PTPRG: variants seen among roughly 807,000 people sequenced by gnomAD.
The protein encoded by PTPRG is protein tyrosine phosphatase receptor type G, also known as receptor-type tyrosine-protein phosphatase gamma.
Under a neutral mutation model 165.3 loss-of-function variants are expected in PTPRG, and 102 were observed. The ratio of observed to expected loss-of-function variants is 0.62; its 90% CI spans 0.53 to 0.73. PTPRG has a LOEUF of 0.73. Ranked by LOEUF, PTPRG falls within the 30% of genes least tolerant of loss-of-function variation. PTPRG has a pLI of 0.00. For synonymous variants in PTPRG, 675 were observed against 669.5 expected (o/e 1.01, Z -0.13); for missense variants, 1,866 against 1,861.4 (o/e 1.00, Z -0.05).
chr3:61,956,500 G>A (rs1431563361), intron 2 of PTPRG, among the ~76,000 whole-genome samples: 2 of 152,060 alleles, frequency 1.3e-5, no homozygotes, highest in African/African-American at 2.4e-5. Context: ...TTCCAGTTTG[G>A]TTAGTTTAAA....
chr3:62,287,066 C>A (rs930488199), intron 28 of PTPRG, among the ~76,000 whole-genome samples: 1 of 152,044 alleles, frequency 6.6e-6, no homozygotes. Context: ...GAAAGGCAAC[C>A]CATGGAAAGG....
chr3:62,259,276 G>GC (rs1701624868), intron 16 of PTPRG, among the ~76,000 whole-genome samples: 1 of 152,222 alleles, frequency 6.6e-6, no homozygotes, highest in South Asian at 2.1e-4. Flanking sequence ...ACTGCTGCCT[G>GC]CAAGAGGGCA....
rs1576237058 is a variant in PTPRG at position 62,293,195 on chromosome 3, G to C, written c.4226G>C (p.Ser1409Thr). 1 of 1,606,476 alleles carries C rather than the reference G, an allele frequency of 6.2e-7. No individual in the cohort carries two copies. Among genetic ancestry groups the C allele is most frequent in the Non-Finnish European group, 8.5e-7 (1 of 1,177,566 alleles). The change falls in exon 30 of 30, where the codon AGC becomes ACC. Residue 1409 changes from serine (S) to threonine (T), a missense_variant. By Grantham distance (58) the Ser-to-Thr change is moderately conservative. Around this residue, in one of 3 missense-constraint regions of PTPRG, gnomAD observed 1,452 missense variants for 1,463.0 expected, o/e 0.99. Coordinates refer to ENST00000474889, the MANE Select transcript of PTPRG (RefSeq NM_002841.4). ...CAGTTCATCTATAAAGCAATGCTTAGCTTGGTCAGCACTAAAGAAAATGGA... is the reference window on the plus strand; with the variant it reads ...CAGTTCATCTATAAAGCAATGCTTACCTTGGTCAGCACTAAAGAAAATGGA... ...QYQFIYKAML[S>T]LVSTKENGNG...
At chr3:61,677,738 G>T (rs1273173393) in intron 1 of PTPRG, among the ~76,000 whole-genome samples, 3 of 152,164 alleles carry the variant, frequency 2.0e-5, no homozygotes, top group Non-Finnish European at 2.9e-5. Flanking sequence ...CAGGGTCCCA[G>T]AGTGGTAGAG....
At chr3:62,072,941 CA>C in intron 4 of PTPRG, among the ~76,000 whole-genome samples, 1 of 151,978 alleles carries the variant, frequency 6.6e-6, no homozygotes, top group African/African-American at 2.4e-5. Flanking sequence ...AGGATGAGCC[CA>C]AAACATCTGT....
At chr3:61,990,468 T>C (rs2040857765) in intron 3 of PTPRG, among the ~76,000 whole-genome samples, 2 of 152,252 alleles carry the variant, frequency 1.3e-5, no homozygotes, top group South Asian at 4.1e-4. Context: ...GATTTGTGAA[T>C]ATGCAGCATC....
At chr3:61,821,145 T>C (rs953070691) in intron 2 of PTPRG, among the ~76,000 whole-genome samples, 2 of 152,048 alleles carry the variant, frequency 1.3e-5, no homozygotes, top group African/African-American at 4.8e-5. Flanking sequence ...TTAGTTATGA[T>C]CAGTTCTCAT....
chr3:62,051,115 T>C (rs980325014), intron 4 of PTPRG, among the ~76,000 whole-genome samples: 1 of 152,212 alleles, frequency 6.6e-6, no homozygotes, highest in Admixed American at 6.5e-5. Context: ...GTGAGGCATG[T>C]CTCCAGGTTT....
At chr3:61,977,249 C>T (rs952866452) in intron 2 of PTPRG, among the ~76,000 whole-genome samples, 1 of 151,058 alleles carries the variant, frequency 6.6e-6, no homozygotes, top group Admixed American at 6.6e-5. Flanking sequence ...GACCACCCAA[C>T]TAGAGGCAGT....
At chr3:61,748,840 G>C in intron 1 of PTPRG, 38 bp from the exon 2 acceptor site, 1 of 1,543,940 alleles carries the variant, frequency 6.5e-7, no homozygotes. Context: ...CCAGTGGGGT[G>C]CTGCCTTTGT....
intron 16 of PTPRG, chr3:62,261,763 GAGA>G (rs1379030912): frequency 9.9e-6 from 1 of 101,468 alleles, no homozygotes; most frequent in Non-Finnish European, 2.0e-5. Flanking sequence ...CCTCCTTCTA[GAGA>G]AGAAGTGTAC....
chr3:61,617,831 G>A (rs1701338276), intron 1 of PTPRG, among the ~76,000 whole-genome samples: 1 of 152,110 alleles, frequency 6.6e-6, no homozygotes, highest in Non-Finnish European at 1.5e-5. Flanking sequence ...TATCTTCTTT[G>A]TTGTGTCATA....
At chr3:62,136,260 C>G (rs574146178) in intron 6 of PTPRG, among the ~76,000 whole-genome samples, 1 of 152,126 alleles carries the variant, frequency 6.6e-6, no homozygotes, top group Non-Finnish European at 1.5e-5. Context: ...TATGCATATG[C>G]TTGGTAGAGA....
intron 2 of PTPRG, among the ~76,000 whole-genome samples, chr3:61,757,486 T>A (rs903436247): frequency 6.6e-6 from 1 of 152,194 alleles, no homozygotes. Flanking sequence ...GTCTCTTTAA[T>A]TGGCTGTATC....
At chr3:62,075,562 A>G (rs1445046649) in intron 4 of PTPRG, among the ~76,000 whole-genome samples, 3 of 152,236 alleles carry the variant, frequency 2.0e-5, no homozygotes, top group African/African-American at 7.2e-5. Context: ...AAAACTCTCC[A>G]AAAGAAAACT....
intron 4 of PTPRG, among the ~76,000 whole-genome samples, chr3:62,068,142 A>T (rs1374735497): frequency 6.6e-6 from 1 of 152,186 alleles, no homozygotes; most frequent in East Asian, 1.9e-4. Flanking sequence ...AAAATAGGAA[A>T]AATAAGAGTA....
At chr3:61,921,117 CT>C (rs1678407567) in intron 2 of PTPRG, among the ~76,000 whole-genome samples, 1 of 148,504 alleles carries the variant, frequency 6.7e-6, no homozygotes, top group Non-Finnish European at 1.5e-5. Context: ...TTCCATCCAT[CT>C]CCTTCCTTCC....
chr3:62,204,108 T>G (rs1576131033), intron 12 of PTPRG, among the ~76,000 whole-genome samples, 158 bp downstream of exon 12: 6 of 152,264 alleles, frequency 3.9e-5, no homozygotes, highest in Admixed American at 3.9e-4. Context: ...GTGAAATGTG[T>G]ATGTGTGTGT....
At chr3:61,938,437 A>T (rs10510869) in intron 2 of PTPRG, among the ~76,000 whole-genome samples, 2,353 of 152,228 alleles carry the variant, frequency 0.015, 37 homozygotes, top group Middle Eastern at 0.038. Context: ...CTGGAGTTTG[A>T]TGTAAATTGA....
Sources: gnomAD v4.1 joint callset for allele counts (sites outside exome capture counted in the v4.1 genomes callset) on GRCh38, gnomAD v4.1.1 for gene constraint, gnomAD v4.1.1 regional missense constraint, MANE v1.5 for transcripts, NCBI Gene and HGNC (gene_info 2026-07-23, HGNC 2026-07-21) for gene names.